Variants in TPCN2 observed in about 807,000 individuals in gnomAD.
TPCN2 encodes the protein two pore channel protein 2.
A neutral mutation model predicts 111.4 loss-of-function variants in TPCN2; 92 were observed. That is an observed-to-expected ratio of 0.83 (90% CI 0.70 to 0.98). The LOEUF (loss-of-function observed/expected upper bound fraction) is 0.98. Among genes scored for constraint, TPCN2 ranks in the 50% least tolerant of loss-of-function variants. TPCN2 has a pLI of 0.00. For synonymous variants in TPCN2, 405 were observed against 414.5 expected (o/e 0.98, Z 0.28); for missense variants, 995 against 980.1 (o/e 1.02, Z -0.20).
At chr11:69,052,349 A>C (rs1290979597) in intron 1 of TPCN2, among the ~76,000 whole-genome samples, 1 of 151,990 alleles carries the variant, frequency 6.6e-6, no homozygotes, top group Non-Finnish European at 1.5e-5. Flanking sequence ...TATTCATGGG[A>C]TATATCAGCT....
intron 13 of TPCN2, 76 bp downstream of exon 13, chr11:69,073,077 C>A: frequency 9.1e-7 from 1 of 1,096,236 alleles, no homozygotes; most frequent in Non-Finnish European, 1.4e-6. Context: ...ACCTGGGGAA[C>A]TCTTCTAATG....
At position 69,085,761 on chromosome 11, in the gene TPCN2, TG is replaced by T. The variant is rs1565096456; in HGVS notation, c.1920+10del. On this transcript the variant is annotated intron_variant, in intron 21 of 24. Coordinates refer to ENST00000294309, the MANE Select transcript of TPCN2 (RefSeq NM_139075.4). ...ACTTCGATGACTTTGCGGTGAGCCC[TG>T]CGCCCTGTCCCAGCACCCTGCTCCC... 1 of 1,613,872 alleles carries T rather than the reference TG, an allele frequency of 6.2e-7. No homozygotes were observed. Among genetic ancestry groups the T allele is most frequent in the Non-Finnish European group, 8.5e-7 (1 of 1,179,824 alleles).
intron 23 of TPCN2, among the ~76,000 whole-genome samples, 157 bp downstream of exon 23, chr11:69,086,761 G>A (rs1856292704): frequency 6.6e-6 from 1 of 152,022 alleles, no homozygotes; most frequent in South Asian, 2.1e-4. Context: ...CCTCCCGTGG[G>A]GCTCAGTGCT....
At chr11:69,053,656 T>C (rs1861335099) in intron 1 of TPCN2, among the ~76,000 whole-genome samples, 1 of 152,076 alleles carries the variant, frequency 6.6e-6, no homozygotes, top group East Asian at 1.9e-4. Flanking sequence ...ATTGGGTGGC[T>C]GTAAATAGCC....
chr11:69,052,799 C>T (rs897875422), intron 1 of TPCN2, among the ~76,000 whole-genome samples: 3 of 152,310 alleles, frequency 2.0e-5, no homozygotes, highest in South Asian at 2.1e-4. Flanking sequence ...GAGGCCTCTG[C>T]TGCTGCCTCC....
intron 6 of TPCN2, 25 bp from the exon 7 acceptor site, chr11:69,063,870 G>A (rs1162365680): frequency 6.2e-7 from 1 of 1,612,184 alleles, no homozygotes; most frequent in African/African-American, 1.3e-5. Context: ...GCCTGGCCCA[G>A]GCTGAGTGCC....
intron 4 of TPCN2, 32 bp from the exon 5 acceptor site, chr11:69,057,546 A>G (rs751354095): frequency 5.7e-6 from 9 of 1,590,864 alleles, no homozygotes; most frequent in East Asian, 2.2e-5. Context: ...GTGTGGGGCT[A>G]CTTGCTGCTC....
intron 5 of TPCN2, among the ~76,000 whole-genome samples, chr11:69,060,793 A>G (rs1854986230): frequency 6.6e-6 from 1 of 152,198 alleles, no homozygotes; most frequent in African/African-American, 2.4e-5. Context: ...CTTGGCCTGT[A>G]GAGGGGCTGA....
Position 69,070,427 on chromosome 11 carries a change from T to C in TPCN2, c.830-3T>C. The stretch of plus-strand genomic sequence containing the variant: ...AGTTTCTGTTATTTCTTTTTTCTTT[T>C]AGTGATGATTCCTGCGTATTCCAAG... On this transcript the variant is annotated splice_region_variant and splice_polypyrimidine_tract_variant and intron_variant, in intron 8 of 24. Coordinates refer to ENST00000294309, the MANE Select transcript of TPCN2 (RefSeq NM_139075.4). 6.2e-7 allele frequency: 1 copy of C among 1,610,500 alleles called. No homozygotes were observed.
intron 12 of TPCN2, 36 bp downstream of exon 12, chr11:69,072,744 C>T (rs1322407445): frequency 1.2e-5 from 20 of 1,610,898 alleles, no homozygotes; most frequent in Non-Finnish European, 1.6e-5. Flanking sequence ...CTCTGGGCTC[C>T]TCCCGGGAGG....
rs73516598 is a variant in TPCN2, at chr11:69,088,373, A to T, written c.*420A>T. On this transcript the variant is annotated 3_prime_UTR_variant, in exon 25 of 25. Transcript: ENST00000294309. ...AGACTTCCGGGGCATTCAGGTGGGG[A>T]TGCTGGTGGTTTGACATGGAGAGAA... 2,540 of 174,084 alleles carry T rather than the reference A, an allele frequency of 0.015. 65 individuals carry two copies. Among genetic ancestry groups the T allele is most frequent in the African/African-American group, 0.056 (2,385 of 42,352 alleles). 10.8% of individuals were successfully genotyped at this position (174,084 alleles called of 1,614,324 possible). A position where few individuals can be genotyped will look rare whatever the true frequency, so the allele number is the denominator to read the frequency against.
chr11:69,065,370 C>T (rs946311574), intron 7 of TPCN2, among the ~76,000 whole-genome samples: 1 of 152,120 alleles, frequency 6.6e-6, no homozygotes, highest in Admixed American at 6.5e-5. Flanking sequence ...TCCTCGACCC[C>T]GGGAAAGCCG....
intron 1 of TPCN2, among the ~76,000 whole-genome samples, chr11:69,050,376 C>A (rs1408309461): frequency 1.3e-5 from 2 of 152,182 alleles, no homozygotes; most frequent in Non-Finnish European, 2.9e-5. Flanking sequence ...GGTTGCTTAA[C>A]CTTTCTGTTT....
At chr11:69,065,841 G>T (rs528803841) in intron 7 of TPCN2, among the ~76,000 whole-genome samples, 1 of 152,318 alleles carries the variant, frequency 6.6e-6, no homozygotes, top group African/African-American at 2.4e-5. Flanking sequence ...CGGGGCTGTG[G>T]GCTGGCTCGG....
chr11:69,079,742 A>C, intron 16 of TPCN2, 92 bp from the exon 17 acceptor site: 1 of 1,193,114 alleles, frequency 8.4e-7, no homozygotes, highest in East Asian at 2.4e-5. Context: ...TTTGGGGAGA[A>C]TGTGTTAGAG....
At chr11:69,072,518 T>A in intron 11 of TPCN2, 109 bp from the exon 12 acceptor site, 1 of 1,070,234 alleles carries the variant, frequency 9.3e-7, no homozygotes, top group African/African-American at 1.6e-5. Flanking sequence ...AGCTGCAAAG[T>A]GGCTTCATGG....
At chr11:69,078,633 G>C (rs1855888191) in intron 14 of TPCN2, 32 bp downstream of exon 14, 1 of 1,613,476 alleles carries the variant, frequency 6.2e-7, no homozygotes, top group African/African-American at 1.3e-5. Context: ...AGCTGGCACG[G>C]AAGTGCCGGT....
Position 69,054,750 on chromosome 11 carries a change from C to T in TPCN2, c.204C>T (p.Ala68=). The change falls in exon 3 of 25, where the codon GCC becomes GCT. Residue 68 remains alanine, a synonymous_variant. Coordinates refer to ENST00000294309, the MANE Select transcript of TPCN2 (RefSeq NM_139075.4). ...QYRSINHRVD[A]SSMWLYRRYY... ...GCTCCATCAACCACCGGGTGGATGCCAGCTCGATGTGGCTTTACCGACGGT... is the reference window on the plus strand; with the variant it reads ...GCTCCATCAACCACCGGGTGGATGCTAGCTCGATGTGGCTTTACCGACGGT... The T allele has an allele frequency of 6.2e-7, 1 of 1,614,182 alleles. No individual in the cohort carries two copies. The highest frequency in any genetic ancestry group is 1.7e-5 in the Admixed American group (1 of 60,024).
At chr11:69,073,046 C>T (rs1855606147) in intron 13 of TPCN2, 45 bp downstream of exon 13, 1 of 1,414,354 alleles carries the variant, frequency 7.1e-7, no homozygotes, top group Non-Finnish European at 1.0e-6. Flanking sequence ...GGGGGCCTTC[C>T]AGTTTCCCCT....
Sources: allele counts gnomAD v4.1 joint callset (sites outside exome capture counted in the v4.1 genomes callset), GRCh38; gene constraint gnomAD v4.1.1; transcripts MANE v1.5; gene names NCBI Gene and HGNC (gene_info 2026-07-23, HGNC 2026-07-21).